Variants in SEZ6L observed in about 807,000 individuals in gnomAD.
The protein encoded by SEZ6L is seizure 6-like protein.
A neutral mutation model predicts 106.2 loss-of-function variants in SEZ6L; 37 were observed. The ratio of observed to expected loss-of-function variants is 0.35; its 90% confidence interval spans 0.27 to 0.46. The LOEUF (loss-of-function observed/expected upper bound fraction) is 0.46. SEZ6L is among the 20% of genes least tolerant of loss of function. The probability of loss-of-function intolerance (pLI) is 1.00; values close to 1 mark genes in which losing one functional copy is unlikely to be tolerated. For synonymous variants in SEZ6L, 541 were observed against 570.4 expected, an observed-to-expected ratio of 0.95 and a Z score of 0.73; for missense variants, 1,172 against 1,332.8, an observed-to-expected ratio of 0.88 and a Z score of 1.88.
intron 1 of SEZ6L, among the ~76,000 whole-genome samples, chr22:26,254,999 T>C (rs1341330005): frequency 6.6e-6 from 1 of 152,190 alleles, no homozygotes; most frequent in Non-Finnish European, 1.5e-5. Context: ...TCCAGTTTCC[T>C]TGGATAAAGG....
chr22:26,329,153 G>C (rs1208254798), intron 9 of SEZ6L, among the ~76,000 whole-genome samples: 1 of 152,110 alleles, frequency 6.6e-6, no homozygotes, highest in Non-Finnish European at 1.5e-5. Context: ...AGGAAAGGAA[G>C]AGAGAAGGAA....
At chr22:26,249,914 T>C (rs1364020736) in intron 1 of SEZ6L, among the ~76,000 whole-genome samples, 1 of 152,216 alleles carries the variant, frequency 6.6e-6, no homozygotes, top group Non-Finnish European at 1.5e-5. Flanking sequence ...ATTTTCCTGA[T>C]GTAGTAGGGA....
intron 1 of SEZ6L, among the ~76,000 whole-genome samples, chr22:26,203,074 G>A (rs979137944): frequency 6.6e-6 from 1 of 152,230 alleles, no homozygotes; most frequent in African/African-American, 2.4e-5. Context: ...CAGCTCCACT[G>A]CAAATCTGTG....
At chr22:26,256,707 C>A (rs2079833386) in intron 1 of SEZ6L, among the ~76,000 whole-genome samples, 1 of 152,208 alleles carries the variant, frequency 6.6e-6, no homozygotes, top group Admixed American at 6.5e-5. Context: ...ATCAGCATCA[C>A]CTGGGACCTT....
At chr22:26,268,611 C>A (rs2080262327) in intron 1 of SEZ6L, among the ~76,000 whole-genome samples, 1 of 152,316 alleles carries the variant, frequency 6.6e-6, no homozygotes, top group East Asian at 1.9e-4. Flanking sequence ...GAGCAGAGGG[C>A]ACATAGGCCA....
chr22:26,298,725 T>C (rs988047868), intron 4 of SEZ6L, among the ~76,000 whole-genome samples: 1 of 152,176 alleles, frequency 6.6e-6, no homozygotes, highest in Non-Finnish European at 1.5e-5. Context: ...AAAGGAGGTA[T>C]GGAAACTCAT....
At chr22:26,374,739 C>A (rs185643029) in intron 14 of SEZ6L, among the ~76,000 whole-genome samples, 3 of 152,316 alleles carry the variant, frequency 2.0e-5, no homozygotes, top group African/African-American at 7.2e-5. Context: ...GCAGAGGAAA[C>A]CTGGAGGCCA....
intron 12 of SEZ6L, among the ~76,000 whole-genome samples, chr22:26,361,436 G>C (rs1022431883): frequency 6.7e-6 from 1 of 150,326 alleles, no homozygotes; most frequent in Non-Finnish European, 1.5e-5. Flanking sequence ...GAACCCAGGA[G>C]GCTGAGGTTG....
chr22:26,285,778 A>G (rs997226738), intron 1 of SEZ6L, among the ~76,000 whole-genome samples: 1 of 152,178 alleles, frequency 6.6e-6, no homozygotes, highest in Non-Finnish European at 1.5e-5. Context: ...AACTATCCAG[A>G]TGTTCCTGGC....
At chr22:26,334,802 A>C (rs887267419) in intron 9 of SEZ6L, among the ~76,000 whole-genome samples, 1 of 152,216 alleles carries the variant, frequency 6.6e-6, no homozygotes, top group Non-Finnish European at 1.5e-5. Context: ...GAGAAGGGCC[A>C]GAGTGGGCAG....
chr22:26,210,265 C>A (rs1197277847), intron 1 of SEZ6L, among the ~76,000 whole-genome samples: 1 of 152,074 alleles, frequency 6.6e-6, no homozygotes, highest in Non-Finnish European at 1.5e-5. Context: ...GACAAAGCAA[C>A]AATAAAAGCA....
intron 1 of SEZ6L, among the ~76,000 whole-genome samples, chr22:26,175,046 A>G (rs1270103158): frequency 1.3e-5 from 2 of 152,214 alleles, no homozygotes; most frequent in Non-Finnish European, 2.9e-5. Context: ...GGCTGGTGTC[A>G]GAATCATGAC....
chr22:26,314,021 T>C, intron 9 of SEZ6L, 119 bp downstream of exon 9: 1 of 1,027,016 alleles, frequency 9.7e-7, no homozygotes. Flanking sequence ...GTGCCGGGAC[T>C]ATGCAGAGAA....
At chr22:26,335,011 G>A (rs73158649) in intron 9 of SEZ6L, among the ~76,000 whole-genome samples, 18,695 of 152,016 alleles carry the variant, frequency 0.12, 1,280 homozygotes, top group Middle Eastern at 0.17. Context: ...AGACCTCAGC[G>A]GAAAACCACA....
chr22:26,377,826 A>G (rs1343788523), intron 16 of SEZ6L, 51 bp downstream of exon 16: 13 of 1,311,114 alleles, frequency 9.9e-6, no homozygotes, highest in Non-Finnish European at 1.4e-5. Flanking sequence ...TTTGCTCTGA[A>G]TTCACCAACA....
At chr22:26,170,093 G>A (rs1361574608) in intron 1 of SEZ6L, among the ~76,000 whole-genome samples, 1 of 152,040 alleles carries the variant, frequency 6.6e-6, no homozygotes, top group Admixed American at 6.5e-5. Flanking sequence ...AATTCCCGGC[G>A]CTTCTCTGCA....
chr22:26,358,767 G>T (rs1448181390), intron 12 of SEZ6L, among the ~76,000 whole-genome samples: 1 of 152,266 alleles, frequency 6.6e-6, no homozygotes, highest in Non-Finnish European at 1.5e-5. Context: ...CTTTCCAGGG[G>T]ACATGTGTAA....
chr22:26,218,016 A>G (rs950669890), intron 1 of SEZ6L, among the ~76,000 whole-genome samples: 2 of 152,218 alleles, frequency 1.3e-5, no homozygotes, highest in Non-Finnish European at 2.9e-5. Flanking sequence ...TGGAGAGCAG[A>G]GGTAAATTAG....
chr22:26,178,347 A>G (rs1019803158), intron 1 of SEZ6L, among the ~76,000 whole-genome samples: 1 of 152,198 alleles, frequency 6.6e-6, no homozygotes, highest in Non-Finnish European at 1.5e-5. Flanking sequence ...CCCAAGGCCC[A>G]GGCTAGGTAT....
Sources: allele counts gnomAD v4.1 joint callset (sites outside exome capture counted in the v4.1 genomes callset), GRCh38; gene constraint gnomAD v4.1.1; transcripts MANE v1.5; gene names NCBI Gene and HGNC (gene_info 2026-07-23, HGNC 2026-07-21).